The following MSRA variants were observed in gnomAD, a reference collection of about 807,000 sequenced individuals.
MSRA encodes mitochondrial peptide methionine sulfoxide reductase.
MSRA carries 54 observed loss-of-function variants against 31.3 expected under a neutral mutation model. That is an observed-to-expected ratio of 1.73 (90% CI 1.39 to 2.17). The LOEUF (loss-of-function observed/expected upper bound fraction) is 2.17. Ranked by LOEUF, MSRA falls within the 30% of genes most tolerant of loss-of-function variation. The pLI is 0.00. For synonymous variants in MSRA, 169 were observed against 116.5 expected (o/e 1.45, Z -2.90); for missense variants, 507 against 300.9 (o/e 1.69, Z -5.07).
intron 1 of MSRA, among the ~76,000 whole-genome samples, chr8:10,133,399 C>A (rs975100944): frequency 6.6e-6 from 1 of 152,178 alleles, no homozygotes; most frequent in Non-Finnish European, 1.5e-5. Flanking sequence ...CAGGGCCAGC[C>A]ACTGCTTGGC....
At chr8:10,208,745 C>T (rs1325976774) in intron 2 of MSRA, among the ~76,000 whole-genome samples, 17 of 152,310 alleles carry the variant, frequency 1.1e-4, no homozygotes, top group Middle Eastern at 3.4e-3. Flanking sequence ...TTCACCTCCA[C>T]GTTTAGACAG....
chr8:10,169,216 G>A (rs1306328074), intron 1 of MSRA, among the ~76,000 whole-genome samples: 1 of 152,128 alleles, frequency 6.6e-6, no homozygotes, highest in East Asian at 1.9e-4. Flanking sequence ...TGGTCTAATG[G>A]GCCAGCTGAA....
At chr8:10,111,821 C>T (rs796854236) in intron 1 of MSRA, among the ~76,000 whole-genome samples, 44 of 152,270 alleles carry the variant, frequency 2.9e-4, no homozygotes, top group Admixed American at 1.0e-3. Flanking sequence ...TGGTCACACA[C>T]GCTGTCTCAT....
chr8:10,103,005 G>A lies in MSRA; in HGVS notation c.142+48347G>A, dbSNP rs369636278. On this transcript the variant is annotated intron_variant, in intron 1 of 5. Coordinates refer to ENST00000317173, the MANE Select transcript of MSRA (RefSeq NM_012331.5). ...GTTACATTCTCAAATTAGGGACTGA[G>A]CCTTCTTTAATCACTAGCTACCCAG... Among the ~76,000 whole-genome samples the A allele has an allele frequency of 4.2e-4, 64 of 152,250 alleles. 2 individuals are homozygous for A. In the South Asian group the frequency reaches 0.013, roughly 30 times the overall value.
chr8:10,301,133 C>T (rs1446122247), intron 3 of MSRA, among the ~76,000 whole-genome samples: 1 of 152,134 alleles, frequency 6.6e-6, no homozygotes, highest in African/African-American at 2.4e-5. Flanking sequence ...GCTGAGCTCA[C>T]TACATATAGC....
intron 5 of MSRA, among the ~76,000 whole-genome samples, chr8:10,350,828 G>C (rs1296613109): frequency 6.6e-6 from 1 of 152,184 alleles, no homozygotes; most frequent in African/African-American, 2.4e-5. Flanking sequence ...CCCTCTTCCA[G>C]TTCCCAGGGT....
At chr8:10,148,931 C>G (rs1441573153) in intron 1 of MSRA, among the ~76,000 whole-genome samples, 4 of 148,454 alleles carry the variant, frequency 2.7e-5, no homozygotes, top group African/African-American at 7.4e-5. Flanking sequence ...GGTGGAGGAT[C>G]TGGCGATTGT....
Position 10,139,804 on chromosome 8 carries a change from A to G in MSRA, c.143-68029A>G, listed in dbSNP as rs1232045263. ...TTGAGGTTATTTCTATATCCTTGCT[A>G]TTGTGAATAGTGATTGGCACAGGTG... On this transcript the variant is annotated intron_variant, in intron 1 of 5. Coordinates refer to ENST00000317173, the MANE Select transcript of MSRA (RefSeq NM_012331.5). 3.9e-5 allele frequency among the ~76,000 whole-genome samples: 6 copies of G among 152,176 alleles called. No homozygotes were observed. In the East Asian group the frequency reaches 1.2e-3, roughly 29 times the overall value.
At chr8:10,110,867 G>A (rs1800227836) in intron 1 of MSRA, among the ~76,000 whole-genome samples, 1 of 152,124 alleles carries the variant, frequency 6.6e-6, no homozygotes, top group Non-Finnish European at 1.5e-5. Flanking sequence ...TTTCAAAAAT[G>A]ACCCTTCTGT....
At chr8:10,248,257 C>G (rs1307873309) in intron 3 of MSRA, among the ~76,000 whole-genome samples, 1 of 152,104 alleles carries the variant, frequency 6.6e-6, no homozygotes, top group Non-Finnish European at 1.5e-5. Context: ...TTTATTTTGT[C>G]AAGAAAAGAA....
At chr8:10,212,985 A>G (rs1271110368) in intron 2 of MSRA, among the ~76,000 whole-genome samples, 1 of 152,192 alleles carries the variant, frequency 6.6e-6, no homozygotes, top group African/African-American at 2.4e-5. Context: ...TAATAATCAC[A>G]TCATGGAAAT....
intron 3 of MSRA, among the ~76,000 whole-genome samples, chr8:10,288,014 T>A (rs1800029283): frequency 6.6e-6 from 1 of 152,176 alleles, no homozygotes; most frequent in African/African-American, 2.4e-5. Flanking sequence ...TCAGAGCTCA[T>A]GCTAGGGTTT....
Position 10,319,956 on chromosome 8 carries a change from G to C in MSRA, c.510G>C (p.Glu170Asp), listed in dbSNP as rs755614472. ...ACCCGACCTCTGCCAAGCAAATGGA[G>C]GCAGCCCTGAGCTCCAAAGAGAACT... Reference protein sequence around the residue: ...AIYPTSAKQMEAALSSKENYQ... With the variant: ...AIYPTSAKQMDAALSSKENYQ... Residue 170 changes from glutamate to aspartate, a missense_variant, in exon 5 of 6, where the codon GAG becomes GAC. Coordinates refer to ENST00000317173, the MANE Select transcript of MSRA (RefSeq NM_012331.5). 10 of 1,601,712 alleles carry C rather than the reference G, an allele frequency of 6.2e-6. No homozygotes were observed. The East Asian group carries it at 1.8e-4, about 29-fold the overall frequency.
chr8:10,089,954 C>A (rs1425410593), intron 1 of MSRA, among the ~76,000 whole-genome samples: 2 of 152,158 alleles, frequency 1.3e-5, no homozygotes, highest in Non-Finnish European at 2.9e-5. Flanking sequence ...GGCACCACCT[C>A]CCAACACCAT....
At chr8:10,254,557 C>T (rs1336158287) in intron 3 of MSRA, among the ~76,000 whole-genome samples, 1 of 152,222 alleles carries the variant, frequency 6.6e-6, no homozygotes, top group African/African-American at 2.4e-5. Flanking sequence ...ACTCATTCTA[C>T]CTACTAATCT....
At chr8:10,411,198 C>G (rs1808137532) in intron 5 of MSRA, 1 of 152,208 alleles carries the variant, frequency 6.6e-6, no homozygotes, top group South Asian at 2.1e-4. Flanking sequence ...GATGCTGTTG[C>G]TGAAACTGCT....
chr8:10,363,478 G>A (rs1013076749), intron 5 of MSRA, among the ~76,000 whole-genome samples: 46 of 152,176 alleles, frequency 3.0e-4, no homozygotes, highest in Non-Finnish European at 4.9e-4. Flanking sequence ...CCCTTAGCAC[G>A]TGATCCATAT....
intron 1 of MSRA, among the ~76,000 whole-genome samples, chr8:10,110,771 A>G (rs1291707681): frequency 6.6e-6 from 1 of 152,126 alleles, no homozygotes; most frequent in Admixed American, 6.6e-5. Flanking sequence ...CTTTCTATCC[A>G]TTACTTTCAT....
intron 5 of MSRA, among the ~76,000 whole-genome samples, chr8:10,379,612 G>A (rs558995379): frequency 6.6e-6 from 1 of 152,230 alleles, no homozygotes; most frequent in Non-Finnish European, 1.5e-5. Flanking sequence ...TCTCCTCCCA[G>A]ACACTCAGCT....
Sources: gnomAD v4.1 joint callset for allele counts (sites outside exome capture counted in the v4.1 genomes callset) on GRCh38, gnomAD v4.1.1 for gene constraint, MANE v1.5 for transcripts, NCBI Gene and HGNC (gene_info 2026-07-23, HGNC 2026-07-21) for gene names.